CTNND2: variants seen among roughly 807,000 people sequenced by gnomAD.
The protein encoded by CTNND2 is catenin delta 2.
A neutral mutation model predicts 144.4 loss-of-function variants in CTNND2; 22 were observed. The ratio of observed to expected loss-of-function variants is 0.15; its 90% CI spans 0.11 to 0.22. The LOEUF is 0.22. CTNND2 is among the 10% of genes least tolerant of loss of function. The probability of loss-of-function intolerance (pLI) is 1.00; values close to 1 mark genes in which losing one functional copy is unlikely to be tolerated. For missense variants in CTNND2, 1,353 were observed against 1,618.8 expected (o/e 0.84, Z 2.82); for synonymous variants, 751 against 695.6 (o/e 1.08, Z -1.25).
At chr5:11,719,663 A>G (rs1309841383) in intron 2 of CTNND2, among the ~76,000 whole-genome samples, 4 of 152,218 alleles carry the variant, frequency 2.6e-5, no homozygotes, top group African/African-American at 7.2e-5. Flanking sequence ...AACAAGTTAT[A>G]TGTCAGAGTT....
At chr5:11,624,804 A>G (rs1200139042) in intron 2 of CTNND2, among the ~76,000 whole-genome samples, 1 of 152,058 alleles carries the variant, frequency 6.6e-6, no homozygotes, top group Non-Finnish European at 1.5e-5. Context: ...AGGAATTCCA[A>G]ATTTTTACCA....
intron 12 of CTNND2, among the ~76,000 whole-genome samples, chr5:11,122,581 C>T (rs924839150): frequency 1.1e-4 from 17 of 151,996 alleles, no homozygotes; most frequent in African/African-American, 3.9e-4. Flanking sequence ...CTATAATCAC[C>T]GTCCATCAGG....
intron 2 of CTNND2, among the ~76,000 whole-genome samples, chr5:11,672,474 C>T (rs1017316829): frequency 6.6e-6 from 1 of 152,128 alleles, no homozygotes; most frequent in African/African-American, 2.4e-5. Context: ...TTCAGAGATG[C>T]CTTGCCCAGC....
At chr5:11,686,943 G>A (rs1784681635) in intron 2 of CTNND2, among the ~76,000 whole-genome samples, 1 of 150,818 alleles carries the variant, frequency 6.6e-6, no homozygotes, top group Admixed American at 6.6e-5. Flanking sequence ...ATGCAGTTAA[G>A]AAGGTAAGAA....
chr5:11,118,831 C>T (rs1458965398), intron 12 of CTNND2, among the ~76,000 whole-genome samples: 1 of 152,066 alleles, frequency 6.6e-6, no homozygotes, highest in African/African-American at 2.4e-5. Flanking sequence ...ATGATAAAAC[C>T]GAGCCTCAGA....
rs535691180 is a variant in CTNND2 at position 11,268,585 on chromosome 5, T to C, written c.1629-31762A>G. ...ACTCCAGCCTGGGTAGCCTGGGTGA[T>C]GGAGTAAGACTCTGATACACACAAA... On this transcript the variant is annotated intron_variant, in intron 9 of 21. Coordinates refer to ENST00000304623, the MANE Select transcript of CTNND2 (RefSeq NM_001332.4). 1.4e-4 allele frequency among the ~76,000 whole-genome samples: 22 copies of C among 152,160 alleles called. 1 individual carries two copies. The highest frequency in any genetic ancestry group is 5.9e-4 in the Admixed American group (9 of 15,270).
chr5:11,741,640 G>C (rs900471821), intron 1 of CTNND2, among the ~76,000 whole-genome samples: 4 of 151,744 alleles, frequency 2.6e-5, no homozygotes, highest in Middle Eastern at 3.2e-3. Flanking sequence ...GATGGGTGTA[G>C]CAAACCAACA....
chr5:11,400,290 A>C (rs894995037), intron 5 of CTNND2, among the ~76,000 whole-genome samples: 1 of 152,160 alleles, frequency 6.6e-6, no homozygotes, highest in Non-Finnish European at 1.5e-5. Flanking sequence ...TCACCCAGGG[A>C]AACAGGCTAT....
intron 3 of CTNND2, among the ~76,000 whole-genome samples, chr5:11,484,015 G>A (rs1768547617): frequency 6.6e-6 from 1 of 152,188 alleles, no homozygotes; most frequent in Admixed American, 6.5e-5. Flanking sequence ...CAACAATAGA[G>A]GCACAAATTT....
chr5:11,696,325 G>C (rs929907790), intron 2 of CTNND2, among the ~76,000 whole-genome samples: 1 of 152,188 alleles, frequency 6.6e-6, no homozygotes, highest in African/African-American at 2.4e-5. Flanking sequence ...TTTAAAATAT[G>C]TGAAAAATCA....
intron 1 of CTNND2, among the ~76,000 whole-genome samples, chr5:11,791,604 G>A (rs1791139960): frequency 6.6e-6 from 1 of 152,194 alleles, no homozygotes; most frequent in African/African-American, 2.4e-5. Flanking sequence ...ATTTGATAAT[G>A]TATTTGGCAA....
intron 3 of CTNND2, among the ~76,000 whole-genome samples, chr5:11,525,297 C>T (rs1244864917): frequency 6.6e-6 from 1 of 152,152 alleles, no homozygotes; most frequent in Non-Finnish European, 1.5e-5. Flanking sequence ...GTAGTCCCTT[C>T]CCCAGGAGGC....
intron 1 of CTNND2, among the ~76,000 whole-genome samples, chr5:11,736,150 T>C (rs183711989): frequency 2.6e-5 from 4 of 152,304 alleles, no homozygotes; most frequent in African/African-American, 9.6e-5. Context: ...CTATAACCTG[T>C]ACTGCCTCCT....
intron 15 of CTNND2, among the ~76,000 whole-genome samples, chr5:11,087,139 G>A (rs1394784674): frequency 1.3e-5 from 2 of 152,052 alleles, no homozygotes; most frequent in African/African-American, 4.8e-5. Flanking sequence ...TTTTAACAAG[G>A]TAAAGTCAAA....
At chr5:11,895,749 T>A (rs1450756822) in intron 1 of CTNND2, among the ~76,000 whole-genome samples, 13 of 151,748 alleles carry the variant, frequency 8.6e-5, no homozygotes, top group Non-Finnish European at 2.9e-5. Context: ...ACAATATAAA[T>A]CAATTTTAAA....
At chr5:11,868,767 C>A (rs982675246) in intron 1 of CTNND2, among the ~76,000 whole-genome samples, 1 of 152,132 alleles carries the variant, frequency 6.6e-6, no homozygotes, top group East Asian at 1.9e-4. Flanking sequence ...AGCTAGCGTG[C>A]TCAGCCCTCT....
intron 13 of CTNND2, 140 bp from the exon 14 acceptor site, chr5:11,111,183 T>G (rs1305282664): frequency 2.4e-6 from 2 of 837,276 alleles, no homozygotes; most frequent in Non-Finnish European, 3.6e-6. Context: ...AAAGCTCCCC[T>G]GATGGCCACA....
chr5:11,256,122 C>T (rs1744216749), intron 9 of CTNND2, among the ~76,000 whole-genome samples: 2 of 152,206 alleles, frequency 1.3e-5, no homozygotes, highest in Admixed American at 1.3e-4. Flanking sequence ...CCTACTCATG[C>T]CAAACTGTGT....
intron 21 of CTNND2, among the ~76,000 whole-genome samples, chr5:10,980,444 G>C (rs557767023): frequency 6.6e-6 from 1 of 152,292 alleles, no homozygotes; most frequent in Non-Finnish European, 1.5e-5. Flanking sequence ...TTACACTGTT[G>C]GTGGGAGTGT....
Sources: gnomAD v4.1 joint callset for allele counts (sites outside exome capture counted in the v4.1 genomes callset) on GRCh38, gnomAD v4.1.1 for gene constraint, MANE v1.5 for transcripts, NCBI Gene and HGNC (gene_info 2026-07-23, HGNC 2026-07-21) for gene names.